Variants in POLR1D observed in about 807,000 individuals in gnomAD.
POLR1D encodes the protein RNA polymerase I and III subunit D.
Under a neutral mutation model 10.8 loss-of-function variants are expected in POLR1D, and 8 were observed. That is an observed-to-expected ratio of 0.74 (90% CI 0.43 to 1.33). The LOEUF is 1.33. Among genes scored for constraint, POLR1D ranks in the 40% most tolerant of loss-of-function variants. The pLI, the probability that POLR1D is intolerant of heterozygous loss-of-function variation, is 0.01. For missense variants in POLR1D, 152 were observed against 161.7 expected (o/e 0.94, Z 0.32); for synonymous variants, 54 against 57.2 (o/e 0.94, Z 0.25).
intron 1 of POLR1D, among the ~76,000 whole-genome samples, chr13:27,631,526 C>T (rs1250257747): frequency 1.3e-5 from 2 of 152,152 alleles, no homozygotes; most frequent in Non-Finnish European, 2.9e-5. Flanking sequence ...GGCTGCTTAC[C>T]CATCCGCCTT....
At chr13:27,622,414 A>C (rs1593274760) in intron 1 of POLR1D, 1 of 305,988 alleles carries the variant, frequency 3.3e-6, no homozygotes, top group Non-Finnish European at 6.1e-6. Flanking sequence ...TGACTCCTGA[A>C]CCTTCCATTC....
At chr13:27,653,866 T>C (rs1055894041) in intron 2 of POLR1D, among the ~76,000 whole-genome samples, 3 of 152,228 alleles carry the variant, frequency 2.0e-5, no homozygotes, top group African/African-American at 7.2e-5. Flanking sequence ...GAATTCGATC[T>C]ATTGTAATGT....
At chr13:27,635,696 CTATATATATATA>C (rs3081355) in intron 1 of POLR1D, among the ~76,000 whole-genome samples, 287 of 140,554 alleles carry the variant, frequency 2.0e-3, no homozygotes, top group African/African-American at 6.2e-3. Flanking sequence ...TACAAAGTAA[CTATATATATATA>C]TATATATATA....
At chr13:27,636,460 G>A (rs994849608) in intron 1 of POLR1D, among the ~76,000 whole-genome samples, 8 of 151,972 alleles carry the variant, frequency 5.3e-5, no homozygotes, top group African/African-American at 1.7e-4. Context: ...AAACATTTTG[G>A]TTCAGGTAAT....
intron 1 of POLR1D, 95 bp downstream of exon 1, chr13:27,622,104 C>G (rs914676903): frequency 6.7e-6 from 7 of 1,042,988 alleles, no homozygotes; most frequent in Non-Finnish European, 1.0e-5. Context: ...CGGGGCCTGA[C>G]TCGGGGCGCA....
chr13:27,622,386 CT>C, intron 1 of POLR1D: 1 of 340,922 alleles, frequency 2.9e-6, no homozygotes, highest in East Asian at 6.0e-5. Context: ...GCGCTGAGCT[CT>C]TTTTCTCCCT....
chr13:27,660,398 A>G (rs1956352728), intron 2 of POLR1D, among the ~76,000 whole-genome samples: 2 of 152,256 alleles, frequency 1.3e-5, no homozygotes, highest in Non-Finnish European at 2.9e-5. Context: ...ATAGAATAAA[A>G]GAACGCATTG....
At chr13:27,649,943 C>G (rs1377664737) in intron 2 of POLR1D, 1 of 397,340 alleles carries the variant, frequency 2.5e-6, no homozygotes, top group Non-Finnish European at 4.4e-6. Context: ...TTACCAACCA[C>G]AAGTTCAGAG....
chr13:27,642,141 G>C (rs1419851598), intron 1 of POLR1D, among the ~76,000 whole-genome samples: 1 of 152,140 alleles, frequency 6.6e-6, no homozygotes, highest in African/African-American at 2.4e-5. Flanking sequence ...TGAAGCAAAA[G>C]AATAATATTG....
At chr13:27,631,720 A>G (rs12583969) in intron 1 of POLR1D, among the ~76,000 whole-genome samples, 14,713 of 152,222 alleles carry the variant, frequency 0.097, 926 homozygotes, top group East Asian at 0.32. Context: ...TCGCTTCTGA[A>G]CCCCAAGCAC....
downstream of POLR1D, among the ~76,000 whole-genome samples, chr13:27,628,123 A>G (rs964535202): frequency 5.9e-5 from 9 of 152,174 alleles, no homozygotes; most frequent in African/African-American, 2.2e-4. Flanking sequence ...CCCAACCCAT[A>G]TCAGAAGAAT....
chr13:27,621,750 G>C (rs971977799), upstream of POLR1D: 2 of 349,238 alleles, frequency 5.7e-6, no homozygotes, highest in Non-Finnish European at 1.0e-5. Flanking sequence ...CAGGTGAGCC[G>C]CGGGGCCGCG....
intron 1 of POLR1D, 36 bp from the exon 2 acceptor site, chr13:27,622,839 A>T (rs184084459): frequency 2.2e-6 from 3 of 1,368,108 alleles, no homozygotes. Context: ...AACAATATTC[A>T]GTATGATCTC....
At chr13:27,648,427 A>G (rs745353709) in exon 2 of POLR1D, 48 of 1,610,674 alleles carry the variant, frequency 3.0e-5, no homozygotes, top group Non-Finnish European at 4.0e-5. Flanking sequence ...GGAAAACTAG[A>G]GCTGAAACAA....
downstream of POLR1D, among the ~76,000 whole-genome samples, chr13:27,623,876 T>C (rs537500993): frequency 2.0e-5 from 3 of 152,212 alleles, no homozygotes; most frequent in Non-Finnish European, 4.4e-5. Flanking sequence ...ACCAGTTTAC[T>C]GCTTGAATTT....
At chr13:27,639,302 T>C (rs138817843) in intron 1 of POLR1D, among the ~76,000 whole-genome samples, 313 of 152,346 alleles carry the variant, frequency 2.1e-3, no homozygotes, top group Middle Eastern at 3.4e-3. Context: ...CCCTAACTAA[T>C]ATTTCAGAAG....
intron 2 of POLR1D, among the ~76,000 whole-genome samples, chr13:27,655,701 TG>T (rs916215509): frequency 6.4e-4 from 97 of 152,282 alleles, no homozygotes; most frequent in African/African-American, 2.2e-3. Flanking sequence ...AAGATATTTT[TG>T]GGAGGAATGA....
chr13:27,621,511 C>A (rs1450493969), upstream of POLR1D: 1 of 152,644 alleles, frequency 6.6e-6, no homozygotes, highest in Non-Finnish European at 1.5e-5. Context: ...CAGGAAGGGC[C>A]ATCCTGGGTC....
At chr13:27,640,094 A>G (rs1956160935) in intron 1 of POLR1D, among the ~76,000 whole-genome samples, 1 of 152,062 alleles carries the variant, frequency 6.6e-6, no homozygotes, top group Non-Finnish European at 1.5e-5. Context: ...AGTTGTGAGG[A>G]TTAGCTGTAA....
Sources: gnomAD v4.1 joint callset for allele counts (sites outside exome capture counted in the v4.1 genomes callset) on GRCh38, gnomAD v4.1.1 for gene constraint, MANE v1.5 for transcripts, NCBI Gene and HGNC (gene_info 2026-07-23, HGNC 2026-07-21) for gene names.